The following RYR2 variants were observed in gnomAD, a reference collection of about 807,000 sequenced individuals.
RYR2 encodes the protein ryanodine receptor 2.
In RYR2, 227 loss-of-function variants were observed where a neutral mutation model predicts 601.1. That is an observed-to-expected ratio of 0.38 (90% CI 0.34 to 0.42). The LOEUF (loss-of-function observed/expected upper bound fraction) is 0.42, where lower values mean the gene tolerates loss of function less well. Ranked by LOEUF, RYR2 falls within the 10% of genes least tolerant of loss-of-function variation. RYR2 has a pLI of 1.00. For missense variants in RYR2, 4,646 were observed against 6,156.5 expected, an observed-to-expected ratio of 0.75 and a Z score of 8.21; for synonymous variants, 2,223 against 2,175.1, an observed-to-expected ratio of 1.02 and a Z score of -0.61.
intron 1 of RYR2, among the ~76,000 whole-genome samples, chr1:237,116,051 C>G (rs1317962567): frequency 6.6e-6 from 1 of 152,144 alleles, no homozygotes; most frequent in African/African-American, 2.4e-5. Flanking sequence ...ATTTTCAAGG[C>G]TGAAATTATG....
At chr1:237,687,550 T>G (rs1460952517) in intron 63 of RYR2, 46 bp downstream of exon 63, 1 of 1,461,218 alleles carries the variant, frequency 6.8e-7, no homozygotes, top group Admixed American at 1.8e-5. Flanking sequence ...TCACTTGGTT[T>G]TCTTTGCCAT....
At chr1:237,435,812 C>G (rs1463899076) in intron 12 of RYR2, among the ~76,000 whole-genome samples, 1 of 152,124 alleles carries the variant, frequency 6.6e-6, no homozygotes, top group East Asian at 1.9e-4. Context: ...AGTAATCAAT[C>G]AGGGTTCAGC....
chr1:237,810,603 T>C (rs949034940), intron 100 of RYR2, among the ~76,000 whole-genome samples: 4 of 152,106 alleles, frequency 2.6e-5, no homozygotes, highest in Non-Finnish European at 2.9e-5. Flanking sequence ...ACCTATTAAT[T>C]CCACTGCTAG....
intron 38 of RYR2, among the ~76,000 whole-genome samples, chr1:237,617,827 T>C (rs1678641950): frequency 6.6e-6 from 1 of 152,208 alleles, no homozygotes; most frequent in Non-Finnish European, 1.5e-5. Flanking sequence ...GACTCGATGC[T>C]AGAGGCTTTC....
intron 100 of RYR2, among the ~76,000 whole-genome samples, chr1:237,809,529 A>G (rs559225841): frequency 3.9e-5 from 6 of 152,236 alleles, no homozygotes; most frequent in Non-Finnish European, 8.8e-5. Context: ...AAGCTTTCAT[A>G]TTGCTTTATA....
intron 1 of RYR2, among the ~76,000 whole-genome samples, chr1:237,167,478 T>C (rs1043746563): frequency 5.3e-5 from 8 of 152,192 alleles, no homozygotes; most frequent in African/African-American, 1.9e-4. Flanking sequence ...GGCTATCCTT[T>C]CGTTTGCAAT....
At chr1:237,258,533 A>C (rs1446362768) in intron 1 of RYR2, among the ~76,000 whole-genome samples, 1 of 152,168 alleles carries the variant, frequency 6.6e-6, no homozygotes, top group Non-Finnish European at 1.5e-5. Context: ...TTAAAATGTG[A>C]TCATTATTGG....
intron 80 of RYR2, among the ~76,000 whole-genome samples, chr1:237,750,372 TC>T (rs1692443642): frequency 6.6e-6 from 1 of 151,950 alleles, no homozygotes; most frequent in African/African-American, 2.4e-5. Context: ...AATATTTGAC[TC>T]CAAGCTTTCT....
At chr1:237,737,655 T>C (rs186410788) in intron 79 of RYR2, among the ~76,000 whole-genome samples, 89 of 152,368 alleles carry the variant, frequency 5.8e-4, no homozygotes, top group African/African-American at 2.0e-3. Context: ...TGTCATACAC[T>C]GTTATCTCTT....
chr1:237,282,562 G>A (rs1691003690), intron 2 of RYR2, among the ~76,000 whole-genome samples: 1 of 152,158 alleles, frequency 6.6e-6, no homozygotes, highest in African/African-American at 2.4e-5. Context: ...AACTGTCAGA[G>A]ATATGATAGA....
chr1:237,109,038 TA>T (rs1669113876), intron 1 of RYR2, among the ~76,000 whole-genome samples: 2 of 152,180 alleles, frequency 1.3e-5, no homozygotes, highest in Admixed American at 1.3e-4. Flanking sequence ...TGTGTCTATG[TA>T]TATGTGTGTT....
At chr1:237,560,556 TAGAG>T (rs1319305416) in intron 27 of RYR2, among the ~76,000 whole-genome samples, 1 of 152,200 alleles carries the variant, frequency 6.6e-6, no homozygotes, top group East Asian at 1.9e-4. Flanking sequence ...GCTGTGGAAT[TAGAG>T]AGAGGGTGAT....
intron 3 of RYR2, among the ~76,000 whole-genome samples, chr1:237,352,038 A>C (rs1405337572): frequency 6.6e-6 from 1 of 151,826 alleles, no homozygotes; most frequent in Non-Finnish European, 1.5e-5. Flanking sequence ...TTAAGATAAA[A>C]AAATATTTAT....
chr1:237,588,384 C>T (rs1674769026), intron 29 of RYR2, among the ~76,000 whole-genome samples: 2 of 152,290 alleles, frequency 1.3e-5, no homozygotes, highest in South Asian at 4.1e-4. Context: ...ATCATAATGA[C>T]AGAGCTAACT....
intron 1 of RYR2, among the ~76,000 whole-genome samples, chr1:237,132,027 G>T (rs188868873): frequency 6.6e-6 from 1 of 152,302 alleles, no homozygotes; most frequent in Admixed American, 6.5e-5. Context: ...TCTGGCCCAA[G>T]TATTCATAAT....
At chr1:237,690,951 A>T (rs1462499450) in intron 63 of RYR2, among the ~76,000 whole-genome samples, 1 of 152,206 alleles carries the variant, frequency 6.6e-6, no homozygotes, top group Admixed American at 6.5e-5. Flanking sequence ...TTTTCCAAAC[A>T]GAGAGACCCA....
chr1:237,470,042 A>G (rs1660535968), intron 17 of RYR2, among the ~76,000 whole-genome samples: 1 of 152,184 alleles, frequency 6.6e-6, no homozygotes, highest in Non-Finnish European at 1.5e-5. Context: ...AAATGAATCT[A>G]CTGCTCTTCC....
chr1:237,203,653 T>A (rs1681448995), intron 1 of RYR2, among the ~76,000 whole-genome samples: 1 of 152,222 alleles, frequency 6.6e-6, no homozygotes, highest in African/African-American at 2.4e-5. Flanking sequence ...ATTCATTGAA[T>A]TTCATTTACT....
intron 1 of RYR2, among the ~76,000 whole-genome samples, chr1:237,095,654 TGCC>T (rs1191454111): frequency 6.6e-6 from 1 of 152,198 alleles, no homozygotes; most frequent in African/African-American, 2.4e-5. Flanking sequence ...GAGGAACACT[TGCC>T]ATCTGTGAGG....
Sources: allele counts gnomAD v4.1 joint callset (sites outside exome capture counted in the v4.1 genomes callset), GRCh38; gene constraint gnomAD v4.1.1; transcripts MANE v1.5; gene names NCBI Gene and HGNC (gene_info 2026-07-23, HGNC 2026-07-21).